Variants in ATP8B4 observed in about 807,000 individuals in gnomAD.
The protein encoded by ATP8B4 is ATPase phospholipid transporting 8B4 (putative), also known as probable phospholipid-transporting ATPase IM.
Under a neutral mutation model 145.6 loss-of-function variants are expected in ATP8B4, and 133 were observed. That is an observed-to-expected ratio of 0.91 (90% CI 0.79 to 1.05). The LOEUF is 1.05. Ranked by LOEUF, ATP8B4 falls within the 50% of genes least tolerant of loss-of-function variation. The pLI is 0.00. For missense variants in ATP8B4, 1,458 were observed against 1,425.2 expected, an observed-to-expected ratio of 1.02 and a Z score of -0.37; for synonymous variants, 507 against 492.9, an observed-to-expected ratio of 1.03 and a Z score of -0.38.
chr15:49,975,461 G>A (rs1264236447), intron 12 of ATP8B4, among the ~76,000 whole-genome samples: 3 of 152,030 alleles, frequency 2.0e-5, no homozygotes, highest in Admixed American at 6.6e-5. Context: ...CAATGTAAAT[G>A]CTATGTAAAT....
chr15:49,909,348 C>T (rs886551090), intron 20 of ATP8B4, among the ~76,000 whole-genome samples: 1 of 152,210 alleles, frequency 6.6e-6, no homozygotes. Flanking sequence ...GCCTGACCAG[C>T]CTGTCACAGC....
intron 25 of ATP8B4, among the ~76,000 whole-genome samples, chr15:49,872,951 A>G (rs1030462663): frequency 2.6e-5 from 4 of 152,362 alleles, no homozygotes; most frequent in African/African-American, 9.6e-5. Context: ...TATTAACATC[A>G]GAGAAAAGCT....
chr15:50,035,476 C>T (rs138829664), intron 6 of ATP8B4, among the ~76,000 whole-genome samples: 7 of 152,266 alleles, frequency 4.6e-5, no homozygotes, highest in East Asian at 1.9e-4. Flanking sequence ...AGAACTCTAA[C>T]GTAGACTCTT....
intron 1 of ATP8B4, among the ~76,000 whole-genome samples, chr15:50,126,495 G>A (rs1049905107): frequency 3.3e-5 from 5 of 152,176 alleles, no homozygotes; most frequent in Admixed American, 2.6e-4. Context: ...TCCATTTGGT[G>A]GAGGTCCGAG....
chr15:50,181,824 C>G, intron 1 of ATP8B4, among the ~76,000 whole-genome samples: 1 of 152,128 alleles, frequency 6.6e-6, no homozygotes, highest in East Asian at 1.9e-4. Context: ...ACCTGGTACC[C>G]GCTATTAATA....
At chr15:50,137,845 A>G (rs1225956457) in intron 1 of ATP8B4, among the ~76,000 whole-genome samples, 1 of 152,188 alleles carries the variant, frequency 6.6e-6, no homozygotes, top group Non-Finnish European at 1.5e-5. Context: ...ATTAAATTCC[A>G]GGACCCAGGT....
chr15:50,163,930 A>G (rs1020507167), intron 1 of ATP8B4, among the ~76,000 whole-genome samples: 5 of 152,156 alleles, frequency 3.3e-5, no homozygotes, highest in African/African-American at 4.8e-5. Flanking sequence ...GCTCATGGAA[A>G]GTACTGCCTG....
intron 1 of ATP8B4, among the ~76,000 whole-genome samples, chr15:50,171,585 AC>A (rs1474200111): frequency 2.6e-5 from 4 of 152,182 alleles, no homozygotes; most frequent in African/African-American, 9.6e-5. Context: ...ATACCCCTAA[AC>A]ACCTACATCA....
At chr15:50,164,458 G>T (rs965520488) in intron 1 of ATP8B4, among the ~76,000 whole-genome samples, 16 of 152,274 alleles carry the variant, frequency 1.1e-4, no homozygotes, top group African/African-American at 3.4e-4. Context: ...GGGACCTCAG[G>T]TCCCTGCCTG....
intron 14 of ATP8B4, among the ~76,000 whole-genome samples, chr15:49,961,132 CA>C (rs11392215): frequency 2.2e-3 from 284 of 130,720 alleles, no homozygotes; most frequent in Middle Eastern, 4.3e-3. Context: ...GACTCCATCT[CA>C]AAAAAAAAAA....
In ATP8B4 at chr15:49,979,953, T is replaced by C. The variant is rs192778680; in HGVS notation, c.838-140A>G. 9.2e-6 allele frequency: 5 copies of C among 544,160 alleles called. No individual in the cohort carries two copies. The East Asian group carries it at 1.2e-4, about 13-fold the overall frequency. The allele number at this position is 544,160 out of a possible 1,614,324, so 33.7% of individuals were successfully genotyped here. On this transcript the variant is annotated intron_variant, in intron 11 of 27. Transcript: ENST00000284509. ...AAACCTCTTCTTACCATTAATCATA[T>C]GAATTACGTCAGGAACTCAGCTAAA...
intron 19 of ATP8B4, among the ~76,000 whole-genome samples, chr15:49,918,183 C>T (rs1437396137): frequency 1.3e-5 from 2 of 151,968 alleles, no homozygotes; most frequent in Non-Finnish European, 2.9e-5. Context: ...TATGTTGGTC[C>T]CCTTTTCTTT....
intron 5 of ATP8B4, among the ~76,000 whole-genome samples, chr15:50,039,531 T>C (rs537703794): frequency 6.6e-6 from 1 of 152,208 alleles, no homozygotes; most frequent in African/African-American, 2.4e-5. Flanking sequence ...CTATGTGAAA[T>C]GTCAAGATCA....
chr15:49,943,356 C>G (rs1268707570), intron 14 of ATP8B4, among the ~76,000 whole-genome samples: 4 of 151,658 alleles, frequency 2.6e-5, no homozygotes, highest in Non-Finnish European at 4.4e-5. Context: ...AAATGGAGAT[C>G]CATTTTCAAG....
chr15:49,942,420 G>A (rs1457958820), intron 14 of ATP8B4, among the ~76,000 whole-genome samples: 1 of 151,686 alleles, frequency 6.6e-6, no homozygotes, highest in Non-Finnish European at 1.5e-5. Context: ...TTGGGGAGGA[G>A]GTATTTAGAA....
intron 14 of ATP8B4, among the ~76,000 whole-genome samples, chr15:49,946,611 T>C (rs532174453): frequency 6.6e-6 from 1 of 152,350 alleles, no homozygotes; most frequent in East Asian, 1.9e-4. Context: ...CCTTTTTTTT[T>C]TTTTAAATCT....
At chr15:50,088,046 T>C (rs1377257273) in intron 2 of ATP8B4, among the ~76,000 whole-genome samples, 1 of 152,132 alleles carries the variant, frequency 6.6e-6, no homozygotes, top group African/African-American at 2.4e-5. Context: ...ATATTTTTAT[T>C]ATACCTGATT....
At chr15:49,935,515 T>A (rs1197382179) in intron 14 of ATP8B4, among the ~76,000 whole-genome samples, 1 of 152,146 alleles carries the variant, frequency 6.6e-6, no homozygotes, top group Non-Finnish European at 1.5e-5. Flanking sequence ...AGTTTCTTTT[T>A]TAAGTACTTT....
chr15:49,965,426 T>C (rs2044438682), intron 13 of ATP8B4, among the ~76,000 whole-genome samples: 3 of 152,290 alleles, frequency 2.0e-5, no homozygotes, highest in Admixed American at 1.3e-4. Flanking sequence ...CAGAATCCCA[T>C]GAAGGGACAT....
Sources: gnomAD v4.1 joint callset for allele counts (sites outside exome capture counted in the v4.1 genomes callset) on GRCh38, gnomAD v4.1.1 for gene constraint, MANE v1.5 for transcripts, NCBI Gene and HGNC (gene_info 2026-07-23, HGNC 2026-07-21) for gene names.